Variants in DRC2 observed in about 807,000 individuals in gnomAD.
DRC2 encodes coiled-coil domain containing 65.
At chr12:48,921,143 C>T in the DRC2 span, 5 of 1,612,398 alleles carry the variant, frequency 3.1e-6, no homozygotes, top group Non-Finnish European at 4.2e-6. Context: ...CGCTGCACAC[C>T]TTCTCCCTGT....
the DRC2 span, among the ~76,000 whole-genome samples, chr12:48,913,802 AT>A: frequency 6.8e-6 from 1 of 147,944 alleles, no homozygotes; most frequent in Admixed American, 6.8e-5. Context: ...GCATTTTTGT[AT>A]TTTTAGTAGA....
chr12:48,918,715 A>T, the DRC2 span: 3 of 1,613,826 alleles, frequency 1.9e-6, no homozygotes, highest in African/African-American at 4.0e-5. Flanking sequence ...AGGCAAGATC[A>T]TGATACACAG....
chr12:48,914,273 G>C, the DRC2 span: 1 of 891,520 alleles, frequency 1.1e-6, no homozygotes, highest in South Asian at 1.8e-5. Flanking sequence ...AAGAGTGAGG[G>C]GGACAGCCAG....
chr12:48,921,092 G>T, the DRC2 span: 1 of 1,610,298 alleles, frequency 6.2e-7, no homozygotes. Context: ...GGTAAAGCCC[G>T]GGGGATGGTG....
chr12:48,909,054 T>TC, the DRC2 span, among the ~76,000 whole-genome samples: 1 of 146,892 alleles, frequency 6.8e-6, no homozygotes, highest in Non-Finnish European at 1.5e-5. Context: ...TTTTTTTTTT[T>TC]TTTTTTGAGA....
the DRC2 span, among the ~76,000 whole-genome samples, chr12:48,912,646 C>A: frequency 8.6e-5 from 13 of 151,982 alleles, no homozygotes; most frequent in East Asian, 3.9e-4. Context: ...TGCCCAAATT[C>A]AAGGAGCTGG....
the DRC2 span, among the ~76,000 whole-genome samples, chr12:48,915,133 TG>T: frequency 7.0e-6 from 1 of 143,324 alleles, no homozygotes; most frequent in South Asian, 2.2e-4. Context: ...TTTTTTTTAT[TG>T]ATCATTCTTG....
the DRC2 span, among the ~76,000 whole-genome samples, chr12:48,906,273 C>T: frequency 1.3e-5 from 2 of 151,862 alleles, no homozygotes; most frequent in Admixed American, 6.6e-5. Flanking sequence ...CATTAGAAGT[C>T]CACATACCCC....
chr12:48,915,945 T>C, the DRC2 span, among the ~76,000 whole-genome samples: 2 of 132,756 alleles, frequency 1.5e-5, no homozygotes, highest in Non-Finnish European at 1.6e-5. Flanking sequence ...GCAGAGGCGC[T>C]CCTCACATCC....
chr12:48,920,441 T>TTAAAAAAAAAAAA, the DRC2 span, among the ~76,000 whole-genome samples: 32 of 67,810 alleles, frequency 4.7e-4, 1 homozygote, highest in East Asian at 9.4e-4. Flanking sequence ...AACTCCATCT[T>TTAAAAAAAAAAAA]AAAAAAAAAA....
At chr12:48,907,857 T>C in the DRC2 span, among the ~76,000 whole-genome samples, 1 of 152,208 alleles carries the variant, frequency 6.6e-6, no homozygotes, top group Non-Finnish European at 1.5e-5. Context: ...CTCCATCCTC[T>C]GAACTTCAGC....
the DRC2 span, among the ~76,000 whole-genome samples, chr12:48,904,632 C>T: frequency 6.6e-6 from 1 of 152,302 alleles, no homozygotes; most frequent in East Asian, 1.9e-4. Context: ...CGGGGGTGTT[C>T]TCTGCGAAGC....
the DRC2 span, among the ~76,000 whole-genome samples, chr12:48,915,114 C>CT: frequency 0.54 from 72,723 of 133,492 alleles, 19,551 homozygotes; most frequent in South Asian, 0.71. Flanking sequence ...CACTTTCTTT[C>CT]TTTTTTTTTT....
chr12:48,918,384 G>A, the DRC2 span: 26 of 1,614,062 alleles, frequency 1.6e-5, no homozygotes, highest in Middle Eastern at 1.6e-4. Context: ...ACAGAGGATC[G>A]AAAGGCTGCC....
chr12:48,919,690 G>C, the DRC2 span, among the ~76,000 whole-genome samples: 1 of 151,822 alleles, frequency 6.6e-6, no homozygotes, highest in Non-Finnish European at 1.5e-5. Context: ...GCTAATTTTT[G>C]TATTTTTAGT....
At chr12:48,921,303 T>C in the DRC2 span, 1 of 1,614,220 alleles carries the variant, frequency 6.2e-7, no homozygotes, top group Middle Eastern at 1.6e-4. Flanking sequence ...GCTGAAGCAG[T>C]ACTTGGATGG....
the DRC2 span, chr12:48,920,990 G>T: frequency 1.2e-5 from 19 of 1,613,684 alleles, no homozygotes; most frequent in Non-Finnish European, 1.6e-5. Context: ...AGAAGAAAAA[G>T]TGCTGCCTTT....
chr12:48,920,952 CT>C, the DRC2 span: 1 of 1,612,898 alleles, frequency 6.2e-7, no homozygotes, highest in Non-Finnish European at 8.5e-7. Context: ...CTTAAACTTG[CT>C]GAAATATGTA....
chr12:48,907,132 G>A, the DRC2 span, among the ~76,000 whole-genome samples: 1 of 151,970 alleles, frequency 6.6e-6, no homozygotes, highest in East Asian at 1.9e-4. Context: ...GGAGAATGGC[G>A]TGAACCCGGG....
Sources: gnomAD v4.1 joint callset for allele counts (sites outside exome capture counted in the v4.1 genomes callset) on GRCh38, gnomAD v4.1.1 for gene constraint, MANE v1.5 for transcripts, NCBI Gene and HGNC (gene_info 2026-07-23, HGNC 2026-07-21) for gene names.